The following CIP2A variants were observed in gnomAD, a reference collection of about 807,000 sequenced individuals.
CIP2A encodes protein CIP2A.
In CIP2A, 103 loss-of-function variants were observed where a neutral mutation model predicts 110.9. That is an observed-to-expected ratio of 0.93 (90% CI 0.79 to 1.09). The LOEUF is 1.09. Among genes scored for constraint, CIP2A ranks in the 50% least tolerant of loss-of-function variants. The pLI is 0.00. For missense variants in CIP2A, 1,088 were observed against 1,038.4 expected, an observed-to-expected ratio of 1.05 and a Z score of -0.66; for synonymous variants, 381 against 361.6, an observed-to-expected ratio of 1.05 and a Z score of -0.61.
chr3:108,575,529 C>CGT lies in CIP2A; in HGVS notation c.894+740_894+741dup, dbSNP rs1559699103. On this transcript the variant is annotated intron_variant, in intron 8 of 20. Transcript: ENST00000295746. ...GTATATATACACATACATATATACA[C>CGT]GTATATATACTCATATACATGTGTA... 8.5e-4 allele frequency among the ~76,000 whole-genome samples: 125 copies of CGT among 147,006 alleles called. 8 individuals carry two copies. Among genetic ancestry groups the CGT allele is most frequent in the African/African-American group, 2.3e-3 (87 of 38,388 alleles).
At chr3:108,557,145 C>T (rs1261656281) in intron 17 of CIP2A, 73 bp downstream of exon 17, 28 of 924,796 alleles carry the variant, frequency 3.0e-5, no homozygotes, top group East Asian at 7.4e-5. Flanking sequence ...AAAGGATTTT[C>T]GGGTCTCAGA....
At chr3:108,560,936 C>A in intron 13 of CIP2A, 95 bp from the exon 14 acceptor site, 2 of 710,548 alleles carry the variant, frequency 2.8e-6, no homozygotes, top group Non-Finnish European at 4.4e-6. Context: ...AGAATGGGTC[C>A]TTTTTTTGAA....
intron 13 of CIP2A, 108 bp downstream of exon 13, chr3:108,563,018 G>GT (rs1938059274): frequency 1.2e-5 from 8 of 670,608 alleles, no homozygotes; most frequent in Middle Eastern, 2.6e-4. Context: ...CTATTACAAT[G>GT]AAGTCTTCAA....
chr3:108,580,150 G>A (rs772920402), intron 5 of CIP2A, among the ~76,000 whole-genome samples: 1 of 152,074 alleles, frequency 6.6e-6, no homozygotes, highest in Non-Finnish European at 1.5e-5. Flanking sequence ...TAATTGTGGT[G>A]GAAGCAAAAA....
At chr3:108,557,900 T>C (rs1020190144) in intron 16 of CIP2A, among the ~76,000 whole-genome samples, 3 of 152,120 alleles carry the variant, frequency 2.0e-5, no homozygotes, top group Admixed American at 6.6e-5. Context: ...TTATGTGATA[T>C]GAAACACTAA....
Position 108,560,044 on chromosome 3 carries a change from A to G in CIP2A, c.1828-16T>C. ...GATCCTTTACCTACATTTTAAGAGT[A>G]AAAAAACTTAAAATTTTAATAAAAT... On this transcript the variant is annotated splice_polypyrimidine_tract_variant and intron_variant, in intron 14 of 20. Transcript: ENST00000295746. 2 of 1,430,220 alleles carry G rather than the reference A, an allele frequency of 1.4e-6. No individual in the cohort carries two copies. Among genetic ancestry groups the G allele is most frequent in the Non-Finnish European group, 1.9e-6 (2 of 1,035,414 alleles). The allele number at this position is 1,430,220 out of a possible 1,614,324, so 88.6% of individuals were successfully genotyped here. A position where few individuals can be genotyped will look rare whatever the true frequency, so the allele number is the denominator to read the frequency against.
At chr3:108,573,168 T>C (rs1023524722) in intron 8 of CIP2A, among the ~76,000 whole-genome samples, 4 of 152,088 alleles carry the variant, frequency 2.6e-5, no homozygotes, top group African/African-American at 9.7e-5. Flanking sequence ...ATGATCCTTT[T>C]TATGTGTCAC....
intron 1 of CIP2A, 65 bp downstream of exon 1, chr3:108,589,209 G>T: frequency 8.2e-7 from 1 of 1,220,386 alleles, no homozygotes; most frequent in Non-Finnish European, 1.2e-6. Flanking sequence ...CCACTCCTCG[G>T]CCTCACTGTG....
chr3:108,558,263 A>C (rs1399274320), intron 16 of CIP2A, among the ~76,000 whole-genome samples: 1 of 152,154 alleles, frequency 6.6e-6, no homozygotes, highest in Non-Finnish European at 1.5e-5. Flanking sequence ...AAAAGAAAGA[A>C]ATATGGGGGA....
chr3:108,568,789 A>C (rs1010686810), intron 9 of CIP2A, among the ~76,000 whole-genome samples: 1 of 152,068 alleles, frequency 6.6e-6, no homozygotes, highest in South Asian at 2.1e-4. Context: ...CTTAATGAAC[A>C]TATTTAATCA....
At chr3:108,575,213 A>C (rs1440075549) in intron 8 of CIP2A, 2 of 152,108 alleles carry the variant, frequency 1.3e-5, no homozygotes, top group Non-Finnish European at 2.9e-5. Flanking sequence ...CTAGATAGAA[A>C]ACGTATTATA....
At chr3:108,583,307 T>A (rs1213598112) in intron 2 of CIP2A, among the ~76,000 whole-genome samples, 1 of 152,188 alleles carries the variant, frequency 6.6e-6, no homozygotes, top group Non-Finnish European at 1.5e-5. Context: ...TGTAGCAAGC[T>A]TTTTCTTTGA....
chr3:108,563,552 T>C (rs1241256994), intron 12 of CIP2A, among the ~76,000 whole-genome samples: 2 of 152,056 alleles, frequency 1.3e-5, no homozygotes, highest in East Asian at 3.9e-4. Flanking sequence ...AACTGACTGA[T>C]GTGTAGAATT....
intron 7 of CIP2A, among the ~76,000 whole-genome samples, chr3:108,577,987 T>C (rs957153974): frequency 9.2e-5 from 14 of 152,182 alleles, no homozygotes; most frequent in African/African-American, 3.4e-4. Context: ...CCAGGTAAAG[T>C]TGTGTGATTT....
chr3:108,574,308 G>A (rs1195064765), intron 8 of CIP2A, among the ~76,000 whole-genome samples: 5 of 152,094 alleles, frequency 3.3e-5, no homozygotes, highest in Non-Finnish European at 7.4e-5. Context: ...CAATACTACT[G>A]TATAGACATT....
At chr3:108,573,804 T>C (rs902504980) in intron 8 of CIP2A, among the ~76,000 whole-genome samples, 10 of 152,188 alleles carry the variant, frequency 6.6e-5, no homozygotes, top group East Asian at 3.8e-4. Context: ...TTTTAGATCA[T>C]TGTTGCAAAT....
At position 108,550,839 on chromosome 3, in the gene CIP2A, T is replaced by C. The variant is rs1020820766; in HGVS notation, c.*310A>G. On this transcript the variant is annotated 3_prime_UTR_variant, in exon 21 of 21. Coordinates refer to ENST00000295746, the MANE Select transcript of CIP2A (RefSeq NM_020890.3). ...AATAAATAAGACAGGCAAAACAGAA[T>C]AGAAAGCAACTAAGAAAAAGGAAAG... The C allele has an allele frequency of 1.2e-5, 2 of 164,114 alleles. No individual in the cohort carries two copies. Among genetic ancestry groups the C allele is most frequent in the Admixed American group, 1.3e-4 (2 of 15,656 alleles). The allele number at this position is 164,114 out of a possible 1,614,324, so 10.2% of individuals were successfully genotyped here. A position where few individuals can be genotyped will look rare whatever the true frequency, so the allele number is the denominator to read the frequency against.
chr3:108,575,525 TAC>T (rs1938568337), intron 8 of CIP2A, among the ~76,000 whole-genome samples: 2 of 94,798 alleles, frequency 2.1e-5, no homozygotes, highest in Non-Finnish European at 5.2e-5. Flanking sequence ...CATACATATA[TAC>T]ACGTATATAT....
At chr3:108,585,846 T>C (rs1939024564) in intron 1 of CIP2A, 1 of 449,534 alleles carries the variant, frequency 2.2e-6, no homozygotes, top group Admixed American at 2.4e-5. Context: ...ATTATTCCAT[T>C]GTTTTTTTTA....
Sources: gnomAD v4.1 joint callset for allele counts (sites outside exome capture counted in the v4.1 genomes callset) on GRCh38, gnomAD v4.1.1 for gene constraint, MANE v1.5 for transcripts, NCBI Gene and HGNC (gene_info 2026-07-23, HGNC 2026-07-21) for gene names.